TUBGCP2: variants seen among roughly 807,000 people sequenced by gnomAD.
TUBGCP2 encodes gamma-tubulin complex component 2.
A neutral mutation model predicts 92.2 loss-of-function variants in TUBGCP2; 55 were observed. That is an observed-to-expected ratio of 0.60 (90% CI 0.48 to 0.75). TUBGCP2 has a LOEUF of 0.75. Among genes scored for constraint, TUBGCP2 ranks in the 30% least tolerant of loss-of-function variants. TUBGCP2 has a pLI of 0.00. For missense variants in TUBGCP2, 1,093 were observed against 1,188.9 expected, an observed-to-expected ratio of 0.92 and a Z score of 1.19; for synonymous variants, 533 against 505.2, an observed-to-expected ratio of 1.06 and a Z score of -0.74.
rs1554935352 is a variant in TUBGCP2, at chr10:133,289,819, C to CGCGGACGCCAAGTCCCCGCCCGCTGCGCT, written c.1360+4_1360+5insAGCGCAGCGGGCGGGGACTTGGCGTCCGC. 1.2e-6 allele frequency: 2 copies of CGCGGACGCCAAGTCCCCGCCCGCTGCGCT among 1,612,724 alleles called. No homozygotes were observed. The highest frequency in any genetic ancestry group is 1.7e-6 in the Non-Finnish European group (2 of 1,179,758). ...CACCCCAAGTCCCCGCCCGCTGCGC[C>CGCGGACGCCAAGTCCCCGCCCGCTGCGCT]GCACCTGTGCTGAGGATCTTGTCCG... On this transcript the variant is annotated splice_donor_region_variant and intron_variant, in intron 9 of 17. Transcript: ENST00000252936.
At chr10:133,303,246 C>T (rs936917731) in intron 1 of TUBGCP2, among the ~76,000 whole-genome samples, 2 of 151,012 alleles carry the variant, frequency 1.3e-5, no homozygotes, top group Middle Eastern at 3.4e-3. Context: ...TCCCTGAACT[C>T]CAGCAGCCTC....
At position 133,293,663 on chromosome 10, in the gene TUBGCP2, C is replaced by T; in HGVS notation, c.723G>A (p.Arg241=). The part of the protein sequence containing the change: ...RYVSAQPLAG[R]QSRTFLVDPN... Reference sequence around the variant, plus strand: ...GGTCCACGAGGAAGGTCCGGCTCTGCCTCCCAGCCAGGGGCTGAGCACTGA... The same window carrying T: ...GGTCCACGAGGAAGGTCCGGCTCTGTCTCCCAGCCAGGGGCTGAGCACTGA... Residue 241 remains arginine (R), a synonymous_variant, in exon 6 of 18, where the codon AGG becomes AGA. Transcript: ENST00000252936. 1 of 1,597,256 alleles carries T rather than the reference C, an allele frequency of 6.3e-7. No homozygotes were observed. The highest frequency in any genetic ancestry group is 8.5e-7 in the Non-Finnish European group (1 of 1,172,682).
At chr10:133,281,165 G>A in intron 17 of TUBGCP2, 108 bp downstream of exon 17, 1 of 723,446 alleles carries the variant, frequency 1.4e-6, no homozygotes, top group Admixed American at 2.5e-5. Context: ...GTTGGGCAGG[G>A]GCAGGTGCTG....
chr10:133,310,108 C>T (rs1370921741), upstream of TUBGCP2: 3 of 1,611,774 alleles, frequency 1.9e-6, no homozygotes, highest in Admixed American at 1.7e-5. Context: ...GCTACGGGGG[C>T]ATGGCGGTGG....
chr10:133,310,637 C>T (rs2136153223), upstream of TUBGCP2: 1 of 318,198 alleles, frequency 3.1e-6, no homozygotes. Flanking sequence ...ACTCACACCC[C>T]TCGGGGCCGT....
chr10:133,290,089 G>A (rs373188884), intron 8 of TUBGCP2, 120 bp from the exon 9 acceptor site: 91 of 1,366,824 alleles, frequency 6.7e-5, no homozygotes, highest in East Asian at 2.3e-4. Flanking sequence ...TCCAAGTAAC[G>A]TTCCACAAGG....
chr10:133,301,887 TGTATTTTTAGTAGAGAC>T (rs1847669829), intron 2 of TUBGCP2: 1 of 151,716 alleles, frequency 6.6e-6, no homozygotes, highest in African/African-American at 2.4e-5. Context: ...GCTAATTTTT[TGTATTTTTAGTAGAGAC>T]GGGGTTTCAC....
At chr10:133,286,363 G>A (rs1847133114) in intron 11 of TUBGCP2, among the ~76,000 whole-genome samples, 1 of 152,166 alleles carries the variant, frequency 6.6e-6, no homozygotes, top group Non-Finnish European at 1.5e-5. Context: ...TTTTTCCTAC[G>A]AAAATATTCC....
chr10:133,293,350 C>G (rs979420562), intron 6 of TUBGCP2, 112 bp from the exon 7 acceptor site: 2 of 1,346,604 alleles, frequency 1.5e-6, no homozygotes, highest in African/African-American at 2.9e-5. Context: ...TTGAACCCCA[C>G]ATCCCAGAGG....
At position 133,282,299 on chromosome 10, in the gene TUBGCP2, T is replaced by G; in HGVS notation, c.2333A>C (p.Gln778Pro). 1 of 1,606,452 alleles carries G rather than the reference T, an allele frequency of 6.2e-7. No homozygotes were observed. The highest frequency in any genetic ancestry group is 8.5e-7 in the Non-Finnish European group (1 of 1,175,122). ...CAGGACGGTGCTGTGCTCCAGCGTC[T>G]GCCCGCCCAGCTCGCCATCTAATTT... ...SMKLDGELGG[Q>P]TLEHSTVLGL... Residue 778 changes from glutamine to proline, a missense_variant, in exon 16 of 18, where the codon CAG becomes CCG. Coordinates refer to ENST00000252936, the MANE Select transcript of TUBGCP2 (RefSeq NM_006659.4).
chr10:133,293,708 C>A lies in TUBGCP2; in HGVS notation c.678G>T (p.Val226=). Residue 226 remains valine, a synonymous_variant, in exon 6 of 18, where the codon GTG becomes GTT. Transcript: ENST00000252936. ...CACTGACGTACCTCCCGTCCACGCC[C>A]ACCAGCACGTACAGCAGGTCCTCCA... ...AVVEDLLYVL[V]GVDGRYVSAQ... is the part of the protein sequence containing the mutation. 1 of 1,605,732 alleles carries A rather than the reference C, an allele frequency of 6.2e-7. No homozygotes were observed.
At chr10:133,297,288 C>T (rs1286764698) in intron 5 of TUBGCP2, 1 of 344,912 alleles carries the variant, frequency 2.9e-6, no homozygotes, top group Non-Finnish European at 5.6e-6. Flanking sequence ...GTCCCAGCTA[C>T]TTGGGAGGCT....
Position 133,286,091 on chromosome 10 carries a change from A to C in TUBGCP2, c.1723-463T>G, listed in dbSNP as rs190500660. Among the ~76,000 whole-genome samples the C allele has an allele frequency of 1.1e-4, 17 of 152,286 alleles. No individual in the cohort carries two copies. In the East Asian group the frequency reaches 1.5e-3, roughly 14 times the overall value. On this transcript the variant is annotated intron_variant, in intron 11 of 17. Transcript: ENST00000252936. The stretch of plus-strand genomic sequence containing the variant: ...CAACCACCCGCAACAGAGTTCCTAC[A>C]AAACCATCGCACAACGACAGGACAG...
chr10:133,296,327 C>T (rs1331421773), intron 5 of TUBGCP2, among the ~76,000 whole-genome samples: 1 of 152,204 alleles, frequency 6.6e-6, no homozygotes, highest in East Asian at 1.9e-4. Flanking sequence ...TCTCCGAAGT[C>T]TGCCTGGGTA....
At position 133,293,197 on chromosome 10, in the gene TUBGCP2, T is replaced by C; in HGVS notation, c.866A>G (p.Asn289Ser). The C allele has an allele frequency of 1.2e-6, 2 of 1,613,850 alleles. No individual in the cohort carries two copies. Among genetic ancestry groups the C allele is most frequent in the Non-Finnish European group, 8.5e-7 (1 of 1,180,040 alleles). Reference protein sequence around the residue: ...EKSSFEYGQVNHALAAAMRTL... With the variant: ...EKSSFEYGQVSHALAAAMRTL... Reference sequence around the variant, plus strand: ...GCGCATGGCGGCCGCCAGGGCGTGGTTCACCTGCCCGTACTCGAAGGAAGA... The same window carrying C: ...GCGCATGGCGGCCGCCAGGGCGTGGCTCACCTGCCCGTACTCGAAGGAAGA... Residue 289 changes from asparagine to serine, a missense_variant, in exon 7 of 18, where the codon AAC becomes AGC. By Grantham distance (46) the Asn-to-Ser change is conservative. Around this residue, in one of 3 missense-constraint regions of TUBGCP2, gnomAD observed 490 missense variants for 488.5 expected, o/e 1.00. Transcript: ENST00000252936.
chr10:133,309,343 C>G, upstream of TUBGCP2: 7 of 1,585,646 alleles, frequency 4.4e-6, no homozygotes, highest in Non-Finnish European at 6.0e-6. Context: ...ACGCGGTGGG[C>G]GTGCCGCGAG....
chr10:133,285,563 C>G lies in TUBGCP2; in HGVS notation c.1788G>C (p.Gln596His), dbSNP rs1321166060. Residue 596 changes from glutamine (Q) to histidine (H), a missense_variant, in exon 12 of 18, where the codon CAG becomes CAC. By Grantham distance (24) the Gln-to-His change is conservative. Transcript: ENST00000252936. The surrounding 1 kb of genome is among the most constrained non-coding windows in gnomAD (Gnocchi z 6.8). Reference sequence around the variant, plus strand: ...GGTCGGCGTGCGCCATCGCCTTCTCCTGCTTGGTCTCGATGGCCAGGACGC... The same window carrying G: ...GGTCGGCGTGCGCCATCGCCTTCTCGTGCTTGGTCTCGATGGCCAGGACGC... Reference protein sequence around the residue: ...LLRVLAIETKQEKAMAHADPT... With the variant: ...LLRVLAIETKHEKAMAHADPT... 1 of 1,569,502 alleles carries G rather than the reference C, an allele frequency of 6.4e-7. No homozygotes were observed. The highest frequency in any genetic ancestry group is 8.7e-7 in the Non-Finnish European group (1 of 1,154,844).
chr10:133,281,444 G>A lies in TUBGCP2; in HGVS notation c.2410-8C>T. The A allele has an allele frequency of 6.2e-7, 1 of 1,610,810 alleles. No homozygotes were observed. Among genetic ancestry groups the A allele is most frequent in the Non-Finnish European group, 8.5e-7 (1 of 1,179,524 alleles). On this transcript the variant is annotated splice_region_variant and splice_polypyrimidine_tract_variant and intron_variant, in intron 16 of 17. Coordinates refer to ENST00000252936, the MANE Select transcript of TUBGCP2 (RefSeq NM_006659.4). ...TGCGTGCTCAGCCAGGTGCTGGAAA[G>A]AAAGCCGGGGTGCGTGAGCCATGCC...
At chr10:133,292,833 G>A (rs1160292585) in intron 7 of TUBGCP2, 145 bp from the exon 8 acceptor site, 17 of 1,168,212 alleles carry the variant, frequency 1.5e-5, no homozygotes, top group Middle Eastern at 2.9e-4. Flanking sequence ...CTGTAAGGTT[G>A]TAGTTGCTGA....
Sources: gnomAD v4.1 joint callset for allele counts (sites outside exome capture counted in the v4.1 genomes callset) on GRCh38, gnomAD v4.1.1 for gene constraint, gnomAD v4.1.1 regional missense constraint, Gnocchi (gnomAD v3.1) non-coding constraint, MANE v1.5 for transcripts, NCBI Gene and HGNC (gene_info 2026-07-23, HGNC 2026-07-21) for gene names.